The following FGF14 variants were observed in gnomAD, a reference collection of about 807,000 sequenced individuals.
FGF14 encodes fibroblast growth factor 14.
In FGF14, 5 loss-of-function variants were observed where a neutral mutation model predicts 25.5. The observed-to-expected ratio is 0.20, with a 90% confidence interval of 0.10 to 0.41. FGF14 has a LOEUF of 0.41. Ranked by LOEUF, FGF14 falls within the 10% of genes least tolerant of loss-of-function variation. The probability of loss-of-function intolerance (pLI) is 1.00; values close to 1 mark genes in which losing one functional copy is unlikely to be tolerated. For synonymous variants in FGF14, 138 were observed against 118.3 expected, an observed-to-expected ratio of 1.17 and a Z score of -1.08; for missense variants, 222 against 320.1, an observed-to-expected ratio of 0.69 and a Z score of 2.34.
At chr13:101,763,703 T>C (rs922740290) in intron 3 of FGF14, among the ~76,000 whole-genome samples, 5 of 151,726 alleles carry the variant, frequency 3.3e-5, no homozygotes, top group African/African-American at 1.2e-4. Context: ...CTAGTGAAAA[T>C]ACAAAAACTA....
chr13:102,145,622 A>G, intron 1 of FGF14, among the ~76,000 whole-genome samples: 1 of 152,210 alleles, frequency 6.6e-6, no homozygotes, highest in East Asian at 1.9e-4. Flanking sequence ...CCTGTTAATG[A>G]TAGTCTTTAT....
Position 101,753,362 on chromosome 13 carries a change from CCT to C in FGF14, c.409-26554_409-26553del, listed in dbSNP as rs2037429595. Among the ~76,000 whole-genome samples, 8 of 151,634 alleles carry C rather than the reference CCT, an allele frequency of 5.3e-5. No homozygotes were observed. In the South Asian group the frequency reaches 1.7e-3, roughly 32 times the overall value. ...TAATTTGAATGGTGGTAAAAGAAGA[CCT>C]AAATTCTATTTTAGTTCCACCTTCT... On this transcript the variant is annotated intron_variant, in intron 3 of 4. Transcript: ENST00000376143.
intron 3 of FGF14, among the ~76,000 whole-genome samples, chr13:101,772,649 G>T (rs1268809804): frequency 2.6e-5 from 4 of 152,036 alleles, no homozygotes; most frequent in African/African-American, 9.7e-5. Flanking sequence ...ACCCAAATAA[G>T]GCTGAATTAA....
At chr13:102,155,202 G>T (rs1424637265) in intron 1 of FGF14, among the ~76,000 whole-genome samples, 1 of 152,190 alleles carries the variant, frequency 6.6e-6, no homozygotes, top group Admixed American at 6.5e-5. Context: ...CAAATCAACA[G>T]AATATACATT....
intron 1 of FGF14, among the ~76,000 whole-genome samples, chr13:102,028,961 C>G (rs940642976): frequency 3.9e-5 from 6 of 152,046 alleles, no homozygotes; most frequent in African/African-American, 1.4e-4. Context: ...AAGGAGCATT[C>G]AGCTAAAAAT....
At chr13:102,049,351 A>G (rs373330479) in intron 1 of FGF14, among the ~76,000 whole-genome samples, 2 of 152,174 alleles carry the variant, frequency 1.3e-5, no homozygotes, top group African/African-American at 4.8e-5. Flanking sequence ...CTTTAAAATC[A>G]TTATTCCAGG....
In FGF14 at chr13:101,722,417, A is replaced by G. The variant is rs557390242; in HGVS notation, c.*414T>C. ...ACAGGTTTACAGCGTCTAACTAGAA[A>G]TTACTCAATATTATTTGTGTGCTAC... is the stretch of plus-strand genomic sequence containing the variant. On this transcript the variant is annotated 3_prime_UTR_variant, in exon 5 of 5. Coordinates refer to ENST00000376143, the MANE Select transcript of FGF14 (RefSeq NM_004115.4). 2.2e-3 allele frequency: 648 copies of G among 294,174 alleles called. 3 individuals carry two copies. The highest frequency in any genetic ancestry group is 3.6e-3 in the Non-Finnish European group (542 of 151,230). 18.2% of individuals were successfully genotyped at this position (294,174 alleles called of 1,614,324 possible).
At chr13:102,197,002 A>C (rs1198546750) in intron 1 of FGF14, among the ~76,000 whole-genome samples, 2 of 149,680 alleles carry the variant, frequency 1.3e-5, no homozygotes, top group Non-Finnish European at 3.0e-5. Flanking sequence ...AGCAAGATGG[A>C]CTCTAGTGGT....
At chr13:102,215,151 C>G (rs1296047065) in intron 1 of FGF14, among the ~76,000 whole-genome samples, 3 of 152,170 alleles carry the variant, frequency 2.0e-5, no homozygotes, top group East Asian at 1.9e-4. Flanking sequence ...TTATAAGGTA[C>G]TAAAAATGGG....
At chr13:102,159,152 AAAAAAG>A (rs1253168232) in intron 1 of FGF14, among the ~76,000 whole-genome samples, 6 of 147,082 alleles carry the variant, frequency 4.1e-5, no homozygotes, top group South Asian at 2.1e-4. Flanking sequence ...AAAAAAAAAA[AAAAAAG>A]AAAAGAAAAG....
chr13:102,177,149 T>C (rs1418889885), intron 1 of FGF14, among the ~76,000 whole-genome samples: 4 of 152,160 alleles, frequency 2.6e-5, no homozygotes, highest in African/African-American at 9.6e-5. Context: ...TACAGCCTGA[T>C]CCCATGTGAA....
chr13:102,041,658 A>G (rs1249731374), intron 1 of FGF14, among the ~76,000 whole-genome samples: 1 of 151,976 alleles, frequency 6.6e-6, no homozygotes, highest in Non-Finnish European at 1.5e-5. Flanking sequence ...TGAAAGTCAG[A>G]GTGTGCACAG....
intron 1 of FGF14, among the ~76,000 whole-genome samples, chr13:102,286,809 A>T (rs556601340): frequency 6.6e-6 from 1 of 152,306 alleles, no homozygotes; most frequent in Admixed American, 6.5e-5. Flanking sequence ...ACTTTGTATA[A>T]TTCTACAGGA....
chr13:102,153,514 TAC>T (rs2047182688), intron 1 of FGF14, among the ~76,000 whole-genome samples: 1 of 152,216 alleles, frequency 6.6e-6, no homozygotes, highest in South Asian at 2.1e-4. Flanking sequence ...CTATTTATTT[TAC>T]AGTTTTATAT....
chr13:101,785,463 A>G (rs1333747224), intron 3 of FGF14, among the ~76,000 whole-genome samples: 3 of 151,808 alleles, frequency 2.0e-5, no homozygotes, highest in Non-Finnish European at 4.4e-5. Flanking sequence ...TATAAAGTAA[A>G]ACAATATTAT....
intron 1 of FGF14, among the ~76,000 whole-genome samples, chr13:102,001,784 A>C (rs928430335): frequency 6.6e-6 from 1 of 152,204 alleles, no homozygotes; most frequent in Non-Finnish European, 1.5e-5. Flanking sequence ...TGGATTTGTC[A>C]ACAGAATAAA....
At chr13:102,129,416 G>A (rs943579315) in intron 1 of FGF14, among the ~76,000 whole-genome samples, 21 of 152,152 alleles carry the variant, frequency 1.4e-4, no homozygotes, top group Admixed American at 1.4e-3. Flanking sequence ...ATTCCACAGA[G>A]TGGACGAGCG....
chr13:102,297,965 C>T (rs1175741995), intron 1 of FGF14, among the ~76,000 whole-genome samples: 6 of 152,188 alleles, frequency 3.9e-5, no homozygotes, highest in South Asian at 2.1e-4. Flanking sequence ...GGGAAGTTCT[C>T]GTCTCAACAA....
At chr13:102,001,919 G>A (rs558641629) in intron 1 of FGF14, among the ~76,000 whole-genome samples, 5 of 152,294 alleles carry the variant, frequency 3.3e-5, no homozygotes, top group African/African-American at 9.6e-5. Flanking sequence ...GAGACCCTGA[G>A]GCCAGGTCCC....
Sources: allele counts gnomAD v4.1 joint callset (sites outside exome capture counted in the v4.1 genomes callset), GRCh38; gene constraint gnomAD v4.1.1; transcripts MANE v1.5; gene names NCBI Gene and HGNC (gene_info 2026-07-23, HGNC 2026-07-21).